Variants in RUFY3 observed in about 807,000 individuals in gnomAD.
RUFY3 encodes the protein protein RUFY3.
Under a neutral mutation model 84.0 loss-of-function variants are expected in RUFY3, and 34 were observed. The ratio of observed to expected loss-of-function variants is 0.40; its 90% CI spans 0.31 to 0.54. The LOEUF (loss-of-function observed/expected upper bound fraction) is 0.54, where lower values mean the gene tolerates loss of function less well. Among genes scored for constraint, RUFY3 ranks in the 20% least tolerant of loss-of-function variants. RUFY3 has a pLI of 0.39. For missense variants in RUFY3, 507 were observed against 736.8 expected (o/e 0.69, Z 3.61); for synonymous variants, 242 against 252.9 (o/e 0.96, Z 0.41).
intron 10 of RUFY3, among the ~76,000 whole-genome samples, chr4:70,786,720 C>G (rs73824899): frequency 0.041 from 6,188 of 151,942 alleles, 193 homozygotes; most frequent in Non-Finnish European, 0.063. Context: ...GGATACTATT[C>G]CTGTACTAGA....
At chr4:70,749,225 A>G (rs778490343) in intron 1 of RUFY3, among the ~76,000 whole-genome samples, 8 of 152,150 alleles carry the variant, frequency 5.3e-5, no homozygotes, top group Non-Finnish European at 1.2e-4. Flanking sequence ...CCTAACTTCT[A>G]AATGTTTCCA....
At chr4:70,744,514 T>C (rs1428108852) in intron 1 of RUFY3, among the ~76,000 whole-genome samples, 4 of 152,102 alleles carry the variant, frequency 2.6e-5, no homozygotes, top group African/African-American at 4.8e-5. Context: ...GTTTGCTTTT[T>C]AATAGATAGA....
chr4:70,756,861 T>C (rs1724108060), intron 1 of RUFY3, among the ~76,000 whole-genome samples: 1 of 152,220 alleles, frequency 6.6e-6, no homozygotes, highest in Non-Finnish European at 1.5e-5. Flanking sequence ...GGAAATTGTA[T>C]TATGCTTACA....
At chr4:70,705,127 CCTT>C in exon 1 of RUFY3, 1 of 1,440,096 alleles carries the variant, frequency 6.9e-7, no homozygotes, top group Non-Finnish European at 9.1e-7. Flanking sequence ...GTGGCCGCCC[CCTT>C]CTTCCTGCTG....
chr4:70,705,418 G>A (rs1024974203), intron 1 of RUFY3: 48 of 578,510 alleles, frequency 8.3e-5, no homozygotes, highest in Non-Finnish European at 1.2e-4. Context: ...CCGGGAGGCG[G>A]GGGCTTTAGG....
chr4:70,728,610 A>G (rs1718697150), intron 1 of RUFY3, among the ~76,000 whole-genome samples: 2 of 152,238 alleles, frequency 1.3e-5, no homozygotes, highest in Non-Finnish European at 2.9e-5. Flanking sequence ...TGTTTCAGAC[A>G]GATTTTTTTA....
intron 1 of RUFY3, among the ~76,000 whole-genome samples, chr4:70,733,099 A>G (rs1452457970): frequency 8.5e-5 from 6 of 70,394 alleles, no homozygotes; most frequent in African/African-American, 4.8e-4. Context: ...GAGAGAGGAG[A>G]GAGAGAGAGA....
chr4:70,764,682 A>G (rs183217805), intron 4 of RUFY3, 106 bp downstream of exon 4: 7 of 642,596 alleles, frequency 1.1e-5, no homozygotes, highest in Non-Finnish European at 1.9e-5. Flanking sequence ...CATTTGATTC[A>G]TAACAGCTTC....
chr4:70,712,571 T>G (rs1396185333), intron 1 of RUFY3, among the ~76,000 whole-genome samples: 1 of 152,218 alleles, frequency 6.6e-6, no homozygotes, highest in Non-Finnish European at 1.5e-5. Flanking sequence ...TTTAAAATTT[T>G]TCATAGAAAT....
At chr4:70,780,306 T>G (rs757220006) in intron 8 of RUFY3, among the ~76,000 whole-genome samples, 16 of 152,168 alleles carry the variant, frequency 1.1e-4, no homozygotes, top group Non-Finnish European at 1.9e-4. Context: ...TTTTGTTTTT[T>G]GTTTTTTGAG....
At chr4:70,776,382 T>C (rs1727970146) in intron 7 of RUFY3, among the ~76,000 whole-genome samples, 1 of 152,238 alleles carries the variant, frequency 6.6e-6, no homozygotes, top group Non-Finnish European at 1.5e-5. Context: ...TCAGGTTTTT[T>C]TCCCCCTTCA....
In RUFY3 at chr4:70,808,571, T is replaced by TGAA. The variant is rs1191524040; in HGVS notation, c.*1914_*1916dup. Among the ~76,000 whole-genome samples, 1 of 152,172 alleles carries TGAA rather than the reference T, an allele frequency of 6.6e-6. No individual in the cohort carries two copies. The highest frequency in any genetic ancestry group is 2.4e-5 in the African/African-American group (1 of 41,450). On this transcript the variant is annotated 3_prime_UTR_variant, in exon 18 of 18. Transcript: ENST00000381006. The stretch of plus-strand genomic sequence containing the variant: ...AAGTCAGCCTGTTACTTGGTGAAGC[T>TGAA]GAAGTTTAAGAGTTCTGGGGAAAAA...
chr4:70,731,101 G>A (rs1479688531), intron 1 of RUFY3, among the ~76,000 whole-genome samples: 3 of 150,924 alleles, frequency 2.0e-5, no homozygotes, highest in Non-Finnish European at 4.4e-5. Flanking sequence ...GCAGCTGCGC[G>A]ATTTCGGCTC....
At chr4:70,708,266 G>C (rs368533275) in intron 1 of RUFY3, among the ~76,000 whole-genome samples, 65 of 152,208 alleles carry the variant, frequency 4.3e-4, no homozygotes, top group Middle Eastern at 3.4e-3. Flanking sequence ...CTTCCTTCCA[G>C]GTTCAAGAGA....
chr4:70,718,272 G>A (rs1339042461), upstream of RUFY3, among the ~76,000 whole-genome samples: 1 of 152,150 alleles, frequency 6.6e-6, no homozygotes. Context: ...ATATATAACA[G>A]AGACATTGAG....
intron 1 of RUFY3, among the ~76,000 whole-genome samples, chr4:70,705,684 C>G (rs1356660181): frequency 1.3e-5 from 2 of 152,184 alleles, no homozygotes; most frequent in African/African-American, 2.4e-5. Context: ...TGGGAACCTT[C>G]CCCGAAGGAG....
chr4:70,800,906 G>A (rs898807724), intron 15 of RUFY3, among the ~76,000 whole-genome samples: 2 of 151,960 alleles, frequency 1.3e-5, no homozygotes, highest in East Asian at 3.9e-4. Flanking sequence ...GTTCAAATAA[G>A]TACTCTGATT....
chr4:70,741,490 G>T (rs1721309965), intron 1 of RUFY3: 2 of 572,910 alleles, frequency 3.5e-6, no homozygotes, highest in African/African-American at 1.9e-5. Flanking sequence ...ACTGTTAATC[G>T]CTGTGATAAG....
chr4:70,787,214 A>ATATATAT (rs757534627), intron 10 of RUFY3, among the ~76,000 whole-genome samples: 68 of 131,618 alleles, frequency 5.2e-4, no homozygotes, highest in African/African-American at 1.7e-3. Context: ...ATATATATAT[A>ATATATAT]AAAACAAATT....
Sources: gnomAD v4.1 joint callset for allele counts (sites outside exome capture counted in the v4.1 genomes callset) on GRCh38, gnomAD v4.1.1 for gene constraint, MANE v1.5 for transcripts, NCBI Gene and HGNC (gene_info 2026-07-23, HGNC 2026-07-21) for gene names.